SLC4A10: variants seen among roughly 807,000 people sequenced by gnomAD.
The protein encoded by SLC4A10 is sodium-driven chloride bicarbonate exchanger.
A neutral mutation model predicts 137.7 loss-of-function variants in SLC4A10; 42 were observed. That is an observed-to-expected ratio of 0.30 (90% confidence interval 0.24 to 0.39). The LOEUF is 0.39. SLC4A10 is among the 10% of genes least tolerant of loss of function. The pLI is 1.00. For missense variants in SLC4A10, 925 were observed against 1,355.0 expected (o/e 0.68, Z 4.98); for synonymous variants, 474 against 464.1 (o/e 1.02, Z -0.27).
chr2:161,919,819 CAGAA>C (rs1487675839), intron 15 of SLC4A10, among the ~76,000 whole-genome samples: 2 of 152,132 alleles, frequency 1.3e-5, no homozygotes, highest in Admixed American at 6.5e-5. Context: ...GGAGAGAAGA[CAGAA>C]AGAGGGAAGA....
chr2:161,902,074 T>G (rs1323946264), intron 12 of SLC4A10: 1 of 456,552 alleles, frequency 2.2e-6, no homozygotes, highest in South Asian at 1.5e-5. Context: ...CTTCCACAGA[T>G]TCTGTTGCTG....
chr2:161,658,491 A>C (rs939753153), intron 1 of SLC4A10, among the ~76,000 whole-genome samples: 2 of 152,188 alleles, frequency 1.3e-5, no homozygotes, highest in Non-Finnish European at 2.9e-5. Context: ...ATTTGCACAC[A>C]GTATGGTGAA....
intron 3 of SLC4A10, among the ~76,000 whole-genome samples, chr2:161,820,145 G>C (rs1464817175): frequency 6.6e-6 from 1 of 152,116 alleles, no homozygotes; most frequent in Non-Finnish European, 1.5e-5. Context: ...AATTATAATA[G>C]GATTTTGTCA....
chr2:161,962,664 G>T (rs1203853951), intron 21 of SLC4A10, among the ~76,000 whole-genome samples: 4 of 152,104 alleles, frequency 2.6e-5, no homozygotes, highest in African/African-American at 9.7e-5. Flanking sequence ...ATATATAAAT[G>T]AATATGAATA....
intron 1 of SLC4A10, among the ~76,000 whole-genome samples, chr2:161,657,560 T>A (rs1185917629): frequency 1.3e-5 from 2 of 152,012 alleles, no homozygotes; most frequent in African/African-American, 4.8e-5. Context: ...ATTATTTTTT[T>A]AACAATGAAG....
At chr2:161,757,138 A>T (rs772703455) in intron 1 of SLC4A10, among the ~76,000 whole-genome samples, 3 of 152,146 alleles carry the variant, frequency 2.0e-5, no homozygotes, top group Non-Finnish European at 4.4e-5. Context: ...AGCTGGGTTA[A>T]AAAAGCTACT....
rs1425053852 is a variant in SLC4A10, at chr2:161,872,759, G to C, written c.858+375G>C. Reference sequence around the variant, plus strand: ...GGCAGAGTCTCGCTCTGTCACCCAGGCTGGAATGCAGTGGTGCAATCTTGG... The same window carrying C: ...GGCAGAGTCTCGCTCTGTCACCCAGCCTGGAATGCAGTGGTGCAATCTTGG... On this transcript the variant is annotated intron_variant, in intron 7 of 26. Transcript: ENST00000446997. Among the ~76,000 whole-genome samples, 5 of 152,156 alleles carry C rather than the reference G, an allele frequency of 3.3e-5. No homozygotes were observed. The East Asian group carries it at 7.7e-4, about 23-fold the overall frequency.
At chr2:161,641,093 C>T (rs56405014) in intron 1 of SLC4A10, among the ~76,000 whole-genome samples, 11,450 of 152,022 alleles carry the variant, frequency 0.075, 548 homozygotes, top group East Asian at 0.14. Flanking sequence ...TCCTCAAAAA[C>T]GACATTTTTT....
At chr2:161,911,961 T>A (rs1685961934) in intron 15 of SLC4A10, among the ~76,000 whole-genome samples, 1 of 152,168 alleles carries the variant, frequency 6.6e-6, no homozygotes, top group South Asian at 2.1e-4. Context: ...CTTGCTATCC[T>A]TGTTTTCTGT....
chr2:161,896,853 G>T (rs1296945200), intron 11 of SLC4A10, among the ~76,000 whole-genome samples: 1 of 152,046 alleles, frequency 6.6e-6, no homozygotes, highest in Non-Finnish European at 1.5e-5. Context: ...TGCCTGGAAA[G>T]ATTTTAGCCC....
intron 1 of SLC4A10, among the ~76,000 whole-genome samples, chr2:161,665,785 C>T (rs2038968871): frequency 6.6e-6 from 1 of 151,234 alleles, no homozygotes; most frequent in South Asian, 2.1e-4. Flanking sequence ...GAATGGTAAT[C>T]TTGGAGGTAG....
intron 1 of SLC4A10, among the ~76,000 whole-genome samples, chr2:161,627,067 A>G (rs192966557): frequency 1.6e-4 from 24 of 152,284 alleles, no homozygotes; most frequent in South Asian, 1.0e-3. Flanking sequence ...GTTATTATAT[A>G]TCTCTTGAGT....
intron 1 of SLC4A10, among the ~76,000 whole-genome samples, chr2:161,741,258 C>CAA (rs11314115): frequency 1.0e-5 from 1 of 100,076 alleles, no homozygotes; most frequent in African/African-American, 3.8e-5. Flanking sequence ...GAAAGACTCT[C>CAA]AAAAAAAAAA....
intron 5 of SLC4A10, among the ~76,000 whole-genome samples, chr2:161,856,916 A>G (rs2060139152): frequency 6.6e-6 from 1 of 152,220 alleles, no homozygotes; most frequent in African/African-American, 2.4e-5. Flanking sequence ...ACCTTTAAAA[A>G]TAGATTAATC....
At chr2:161,771,415 G>A (rs2051595550) in intron 2 of SLC4A10, among the ~76,000 whole-genome samples, 1 of 151,816 alleles carries the variant, frequency 6.6e-6, no homozygotes, top group Admixed American at 6.6e-5. Flanking sequence ...ACAGGAGGGG[G>A]AGGGGCATCT....
intron 1 of SLC4A10, among the ~76,000 whole-genome samples, chr2:161,756,522 C>T (rs765624471): frequency 2.8e-4 from 42 of 152,108 alleles, no homozygotes; most frequent in Non-Finnish European, 5.1e-4. Flanking sequence ...GTCAGGACCA[C>T]GATTATGGAC....
At chr2:161,803,571 C>G (rs957584314) in intron 2 of SLC4A10, among the ~76,000 whole-genome samples, 2 of 152,144 alleles carry the variant, frequency 1.3e-5, no homozygotes, top group Admixed American at 6.6e-5. Flanking sequence ...TTTACTGTCT[C>G]TATAGTTTTA....
intron 8 of SLC4A10, among the ~76,000 whole-genome samples, chr2:161,875,755 T>A (rs2061418644): frequency 6.6e-6 from 1 of 152,178 alleles, no homozygotes; most frequent in Non-Finnish European, 1.5e-5. Context: ...TAGAGAGAGT[T>A]GTATTATTTA....
chr2:161,674,380 T>C (rs1368926445), intron 1 of SLC4A10, among the ~76,000 whole-genome samples: 2 of 152,216 alleles, frequency 1.3e-5, no homozygotes, highest in African/African-American at 4.8e-5. Flanking sequence ...GTGCATTTAA[T>C]ATGGCACCTA....
Sources: gnomAD v4.1 joint callset for allele counts (sites outside exome capture counted in the v4.1 genomes callset) on GRCh38, gnomAD v4.1.1 for gene constraint, MANE v1.5 for transcripts, NCBI Gene and HGNC (gene_info 2026-07-23, HGNC 2026-07-21) for gene names.